Variants in CDK14 observed in about 807,000 individuals in gnomAD.
The protein encoded by CDK14 is cyclin-dependent kinase 14.
A neutral mutation model predicts 60.7 loss-of-function variants in CDK14; 34 were observed. The ratio of observed to expected loss-of-function variants is 0.56; its 90% CI spans 0.43 to 0.75. The LOEUF is 0.75. Among genes scored for constraint, CDK14 ranks in the 30% least tolerant of loss-of-function variants. The pLI, the probability that CDK14 is intolerant of heterozygous loss-of-function variation, is 0.00. For missense variants in CDK14, 482 were observed against 564.1 expected (o/e 0.85, Z 1.47); for synonymous variants, 197 against 203.7 (o/e 0.97, Z 0.28).
At chr7:90,709,052 A>T (rs1309535594) in intron 2 of CDK14, among the ~76,000 whole-genome samples, 1 of 151,508 alleles carries the variant, frequency 6.6e-6, no homozygotes, top group Non-Finnish European at 1.5e-5. Context: ...TTGGTATTTT[A>T]TTTTTCAGAA....
chr7:90,895,452 TCC>T (rs1792292052), intron 6 of CDK14, among the ~76,000 whole-genome samples: 1 of 13,148 alleles, frequency 7.6e-5, no homozygotes, highest in Non-Finnish European at 1.4e-4. Context: ...TCCCCTCCCC[TCC>T]CCTCCCCTCC....
chr7:91,070,843 A>G (rs1327055963), intron 11 of CDK14, among the ~76,000 whole-genome samples: 4 of 152,110 alleles, frequency 2.6e-5, no homozygotes, highest in African/African-American at 4.8e-5. Flanking sequence ...AAAAAAGAAT[A>G]CTAGTAAGAA....
chr7:91,102,249 G>A (rs1007073125), intron 12 of CDK14, among the ~76,000 whole-genome samples: 1 of 152,136 alleles, frequency 6.6e-6, no homozygotes, highest in Non-Finnish European at 1.5e-5. Context: ...CTCACTCCAG[G>A]TTGGTTGTTG....
chr7:90,631,374 C>T (rs1799993723), intron 2 of CDK14, among the ~76,000 whole-genome samples: 1 of 152,060 alleles, frequency 6.6e-6, no homozygotes, highest in African/African-American at 2.4e-5. Flanking sequence ...GAGAGCAGAC[C>T]ACCTTGGAGG....
At chr7:90,649,290 TTCTTTC>T (rs1800543664) in intron 2 of CDK14, among the ~76,000 whole-genome samples, 1 of 65,198 alleles carries the variant, frequency 1.5e-5, no homozygotes, top group Non-Finnish European at 2.7e-5. Flanking sequence ...CTTTCTTTCT[TTCTTTC>T]TTTCTTTCTT....
intron 14 of CDK14, among the ~76,000 whole-genome samples, chr7:91,189,862 A>G (rs946935826): frequency 3.9e-5 from 6 of 152,224 alleles, no homozygotes; most frequent in African/African-American, 1.2e-4. Flanking sequence ...TAGAAAGAGT[A>G]TGGGTTTTGG....
chr7:91,162,122 C>T (rs1336277884), intron 14 of CDK14, among the ~76,000 whole-genome samples: 1 of 152,204 alleles, frequency 6.6e-6, no homozygotes, highest in African/African-American at 2.4e-5. Context: ...CCTTCTCTCA[C>T]AGGCCAGTGG....
intron 3 of CDK14, among the ~76,000 whole-genome samples, chr7:90,739,440 C>T (rs1278695212): frequency 6.6e-6 from 1 of 151,750 alleles, no homozygotes; most frequent in African/African-American, 2.4e-5. Flanking sequence ...TTCTAATTTC[C>T]TCAGTTCAGT....
chr7:90,843,859 T>C (rs1790377973), intron 5 of CDK14, among the ~76,000 whole-genome samples: 1 of 152,150 alleles, frequency 6.6e-6, no homozygotes, highest in Non-Finnish European at 1.5e-5. Context: ...ATAATGGAGT[T>C]TTTGACTATG....
rs1361723781 is a variant in CDK14 at position 91,065,413 on chromosome 7, A to G, written c.1106-14019A>G. On this transcript the variant is annotated intron_variant, in intron 11 of 14. Coordinates refer to ENST00000380050, the MANE Select transcript of CDK14 (RefSeq NM_001287135.2). ...TAGAGTAACATACATATTATTCTAAAATGCCTGTTGGAATCACCATGCCCT... is the reference window on the plus strand; with the variant it reads ...TAGAGTAACATACATATTATTCTAAGATGCCTGTTGGAATCACCATGCCCT... Among the ~76,000 whole-genome samples, 3 of 152,252 alleles carry G rather than the reference A, an allele frequency of 2.0e-5. No individual in the cohort carries two copies. The East Asian group carries it at 5.8e-4, about 29-fold the overall frequency.
intron 4 of CDK14, among the ~76,000 whole-genome samples, chr7:90,766,561 A>C (rs1367338731): frequency 2.0e-5 from 3 of 152,224 alleles, no homozygotes; most frequent in African/African-American, 7.2e-5. Context: ...ATTCAGATCC[A>C]GTTAGTCCAA....
At chr7:90,792,146 C>G (rs1460131329) in intron 5 of CDK14, among the ~76,000 whole-genome samples, 1 of 151,442 alleles carries the variant, frequency 6.6e-6, no homozygotes, top group African/African-American at 2.4e-5. Flanking sequence ...GTGATCCACT[C>G]ACCTCGGCCT....
At chr7:90,607,830 G>A (rs534232381) in intron 2 of CDK14, among the ~76,000 whole-genome samples, 1 of 152,106 alleles carries the variant, frequency 6.6e-6, no homozygotes, top group African/African-American at 2.4e-5. Flanking sequence ...GCCATTTAAT[G>A]TTCTGTGGTC....
At chr7:90,861,731 A>T (rs563817073) in intron 5 of CDK14, among the ~76,000 whole-genome samples, 1 of 152,160 alleles carries the variant, frequency 6.6e-6, no homozygotes, top group Non-Finnish European at 1.5e-5. Context: ...TTCGTCTCCC[A>T]GTGCCAGCTG....
At chr7:90,895,419 T>C (rs1197194439) in intron 6 of CDK14, among the ~76,000 whole-genome samples, 2 of 18,640 alleles carry the variant, frequency 1.1e-4, no homozygotes, top group African/African-American at 2.3e-4. Flanking sequence ...TCCTCTCCTC[T>C]CCTCTCCTCT....
At chr7:90,772,638 G>A (rs1402335764) in intron 4 of CDK14, among the ~76,000 whole-genome samples, 2 of 152,030 alleles carry the variant, frequency 1.3e-5, no homozygotes, top group South Asian at 2.1e-4. Context: ...CTTCCCCTTC[G>A]CCCTTCTGCC....
rs3840666 is a variant in CDK14, at chr7:90,921,945, TAGAGGACATGGTA to T, written c.826+4224_826+4236del. ...AAAACAGACCAGAAACGTGACTCTG[TAGAGGACATGGTA>T]AGTTCATGGCTTGTCATATGCTTCT... On this transcript the variant is annotated intron_variant, in intron 8 of 14. Transcript: ENST00000380050. Among the ~76,000 whole-genome samples the T allele has an allele frequency of 7.9e-5, 12 of 152,310 alleles. No individual in the cohort carries two copies. The East Asian group carries it at 2.3e-3, about 29-fold the overall frequency.
chr7:90,940,863 GTA>G (rs1323549388), intron 8 of CDK14, among the ~76,000 whole-genome samples: 1 of 151,778 alleles, frequency 6.6e-6, no homozygotes, highest in African/African-American at 2.4e-5. Flanking sequence ...ATCTATCTAT[GTA>G]TATATATGAT....
Position 90,763,311 on chromosome 7 carries a change from G to A in CDK14, c.464+15536G>A, listed in dbSNP as rs545646480. 2.0e-5 allele frequency among the ~76,000 whole-genome samples: 3 copies of A among 152,208 alleles called. No homozygotes were observed. The South Asian group carries it at 6.2e-4, about 32-fold the overall frequency. On this transcript the variant is annotated intron_variant, in intron 4 of 14. Coordinates refer to ENST00000380050, the MANE Select transcript of CDK14 (RefSeq NM_001287135.2). ...TCAGTACTGCCAAAGTAAACAAAGT[G>A]GAAGCTGCCAATATTTCAAGGCCTG...
Sources: allele counts gnomAD v4.1 joint callset (sites outside exome capture counted in the v4.1 genomes callset), GRCh38; gene constraint gnomAD v4.1.1; transcripts MANE v1.5; gene names NCBI Gene and HGNC (gene_info 2026-07-23, HGNC 2026-07-21).